The following C8orf34 variants were observed in gnomAD, a reference collection of about 807,000 sequenced individuals.
C8orf34 encodes chromosome 8 open reading frame 34.
C8orf34 carries 65 observed loss-of-function variants against 68.3 expected under a neutral mutation model. The observed-to-expected ratio is 0.95, with a 90% CI of 0.78 to 1.17. C8orf34 has a LOEUF of 1.17. Ranked by LOEUF, C8orf34 falls within the 50% of genes most tolerant of loss-of-function variation. The pLI is 0.00. For missense variants in C8orf34, 664 were observed against 655.4 expected (o/e 1.01, Z -0.14); for synonymous variants, 244 against 241.2 (o/e 1.01, Z -0.11).
intron 1 of C8orf34, among the ~76,000 whole-genome samples, chr8:68,377,643 CT>C (rs1446825927): frequency 1.3e-5 from 2 of 152,030 alleles, no homozygotes; most frequent in Admixed American, 6.6e-5. Flanking sequence ...CACATGACCA[CT>C]TTTTTGGGTA....
chr8:68,767,736 C>A (rs1585852479), intron 10 of C8orf34, among the ~76,000 whole-genome samples: 1 of 152,306 alleles, frequency 6.6e-6, no homozygotes, highest in Non-Finnish European at 1.5e-5. Flanking sequence ...AACTCCTGGG[C>A]TCAAGCAATT....
At chr8:68,616,795 G>A (rs1818231471) in intron 7 of C8orf34, among the ~76,000 whole-genome samples, 1 of 152,248 alleles carries the variant, frequency 6.6e-6, no homozygotes, top group Admixed American at 6.5e-5. Context: ...TTCTGTAGAT[G>A]TCTATTAGGT....
At position 68,778,877 on chromosome 8, in the gene C8orf34, T is replaced by C. The variant is rs868048552; in HGVS notation, c.1455+2428T>C. Among the ~76,000 whole-genome samples, 98 of 152,122 alleles carry C rather than the reference T, an allele frequency of 6.4e-4. 1 individual carries two copies. The highest frequency in any genetic ancestry group is 2.0e-4 in the Admixed American group (3 of 15,260). On this transcript the variant is annotated intron_variant, in intron 11 of 13. Coordinates refer to ENST00000518698, the MANE Select transcript of C8orf34 (RefSeq NM_052958.4). ...ATTTTTGTAGCAAATTTAATCCATTTACAATATCACATTACCAGGCTCAAG... is the reference window on the plus strand; with the variant it reads ...ATTTTTGTAGCAAATTTAATCCATTCACAATATCACATTACCAGGCTCAAG...
At chr8:68,471,322 T>G (rs1462464769) in intron 4 of C8orf34, among the ~76,000 whole-genome samples, 2 of 152,114 alleles carry the variant, frequency 1.3e-5, no homozygotes, top group Non-Finnish European at 2.9e-5. Flanking sequence ...TGACTTGAGT[T>G]TCTATGATTT....
intron 7 of C8orf34, among the ~76,000 whole-genome samples, chr8:68,550,581 A>G (rs1816032072): frequency 6.6e-6 from 1 of 151,988 alleles, no homozygotes; most frequent in East Asian, 1.9e-4. Flanking sequence ...TTCTTTATAC[A>G]GATCCAAGTT....
chr8:68,479,265 A>G (rs1434597606), intron 4 of C8orf34, among the ~76,000 whole-genome samples: 3 of 152,138 alleles, frequency 2.0e-5, no homozygotes, highest in Non-Finnish European at 2.9e-5. Flanking sequence ...AAGGAGGAGT[A>G]CGTCCTGCAA....
At chr8:68,744,704 A>G (rs2129527374) in intron 10 of C8orf34, among the ~76,000 whole-genome samples, 1 of 152,332 alleles carries the variant, frequency 6.6e-6, no homozygotes, top group Middle Eastern at 3.4e-3. Flanking sequence ...AAAAGAAACG[A>G]GCAAAGCCTC....
intron 12 of C8orf34, among the ~76,000 whole-genome samples, chr8:68,805,947 T>C (rs976999779): frequency 6.6e-6 from 1 of 152,098 alleles, no homozygotes; most frequent in Non-Finnish European, 1.5e-5. Context: ...GGGATAATTT[T>C]TTTGTTATTG....
chr8:68,402,144 G>T (rs117578649), intron 1 of C8orf34, among the ~76,000 whole-genome samples: 1 of 151,990 alleles, frequency 6.6e-6, no homozygotes. Flanking sequence ...TGGGATGTAC[G>T]TTTCCAGGAA....
intron 7 of C8orf34, chr8:68,625,645 C>A (rs761266402): frequency 1.4e-6 from 1 of 701,180 alleles, no homozygotes; most frequent in Non-Finnish European, 2.6e-6. Flanking sequence ...TGCATCTCAG[C>A]GGTGGGAAAG....
chr8:68,578,963 A>T (rs961525274), intron 7 of C8orf34, among the ~76,000 whole-genome samples: 1 of 152,160 alleles, frequency 6.6e-6, no homozygotes, highest in Non-Finnish European at 1.5e-5. Flanking sequence ...GCGATTTAGC[A>T]TGCAAAATAA....
Position 68,817,221 on chromosome 8 carries a change from G to T in C8orf34, c.1610-1018G>T, listed in dbSNP as rs114739829. Among the ~76,000 whole-genome samples the T allele has an allele frequency of 5.9e-3, 894 of 152,210 alleles. 12 individuals are homozygous for T. Among genetic ancestry groups the T allele is most frequent in the African/African-American group, 0.02 (842 of 41,534 alleles). On this transcript the variant is annotated intron_variant, in intron 13 of 13. Transcript: ENST00000518698. Reference sequence around the variant, plus strand: ...AGCTATTTACAGAAAATGCGCTGATGGTGATTATAGAAGCATGAGGATAAG... The same window carrying T: ...AGCTATTTACAGAAAATGCGCTGATTGTGATTATAGAAGCATGAGGATAAG...
chr8:68,679,043 G>C (rs1292714158), intron 8 of C8orf34, among the ~76,000 whole-genome samples: 2 of 152,032 alleles, frequency 1.3e-5, no homozygotes, highest in Non-Finnish European at 2.9e-5. Context: ...GCTCCTGCCT[G>C]TAATCTCAGC....
At chr8:68,460,582 C>A (rs371777537) in intron 3 of C8orf34, among the ~76,000 whole-genome samples, 17 of 152,284 alleles carry the variant, frequency 1.1e-4, no homozygotes, top group African/African-American at 3.4e-4. Flanking sequence ...CCAGGTACCC[C>A]TCTGAGACAA....
chr8:68,499,142 AT>A (rs1469177784), intron 5 of C8orf34, among the ~76,000 whole-genome samples: 7 of 152,236 alleles, frequency 4.6e-5, no homozygotes, highest in Non-Finnish European at 1.0e-4. Flanking sequence ...TGTGTGACTA[AT>A]GCTTAGCTCC....
At chr8:68,585,087 T>C (rs1019310778) in intron 7 of C8orf34, among the ~76,000 whole-genome samples, 7 of 152,180 alleles carry the variant, frequency 4.6e-5, no homozygotes, top group African/African-American at 1.4e-4. Flanking sequence ...TTTTTAGTTA[T>C]AAAATTCTGT....
chr8:68,697,636 A>G (rs994676907), intron 8 of C8orf34, among the ~76,000 whole-genome samples: 4 of 152,090 alleles, frequency 2.6e-5, no homozygotes, highest in African/African-American at 9.7e-5. Flanking sequence ...ACCACAGGGA[A>G]GGTTTTAGTA....
At chr8:68,596,953 A>G (rs1052513009) in intron 7 of C8orf34, among the ~76,000 whole-genome samples, 1 of 152,196 alleles carries the variant, frequency 6.6e-6, no homozygotes, top group Admixed American at 6.5e-5. Flanking sequence ...TTCTCAAAGT[A>G]TATATAGTAT....
chr8:68,510,886 C>G (rs568401379), intron 5 of C8orf34, among the ~76,000 whole-genome samples: 24 of 152,248 alleles, frequency 1.6e-4, no homozygotes, highest in Middle Eastern at 6.8e-3. Context: ...TGAAGATAAA[C>G]TTGGATCTCC....
Sources: allele counts gnomAD v4.1 joint callset (sites outside exome capture counted in the v4.1 genomes callset), GRCh38; gene constraint gnomAD v4.1.1; transcripts MANE v1.5; gene names NCBI Gene and HGNC (gene_info 2026-07-23, HGNC 2026-07-21).